The following CELF4 variants were observed in gnomAD, a reference collection of about 807,000 sequenced individuals.
CELF4 encodes the protein CUG-BP- and ETR-3-like factor 4.
A neutral mutation model predicts 59.9 loss-of-function variants in CELF4; 18 were observed. That is an observed-to-expected ratio of 0.30 (90% CI 0.21 to 0.45). CELF4 has a LOEUF of 0.45. CELF4 is among the 20% of genes least tolerant of loss of function. CELF4 has a pLI of 1.00. For missense variants in CELF4, 456 were observed against 689.0 expected (o/e 0.66, Z 3.79); for synonymous variants, 261 against 267.1 (o/e 0.98, Z 0.22).
chr18:37,273,661 C>A, intron 6 of CELF4: 1 of 987,736 alleles, frequency 1.0e-6, no homozygotes, highest in South Asian at 4.7e-5. Flanking sequence ...GGGGAGGCTG[C>A]GGAATGTGGC....
chr18:37,359,919 G>A (rs542906214), intron 2 of CELF4, among the ~76,000 whole-genome samples: 5 of 150,538 alleles, frequency 3.3e-5, no homozygotes, highest in South Asian at 4.2e-4. Flanking sequence ...GAGCAATCTC[G>A]GCTCACTGCA....
intron 2 of CELF4, among the ~76,000 whole-genome samples, chr18:37,450,243 T>G (rs79953038): frequency 6.6e-6 from 1 of 152,090 alleles, no homozygotes; most frequent in Admixed American, 6.5e-5. Context: ...TATGTGTGTA[T>G]GCGTGTGAGT....
Position 37,418,065 on chromosome 18 carries a change from CT to C in CELF4, c.369+67459del, listed in dbSNP as rs563940909. ...AGTGAGGGGCATCATGAAAATCCACCTATCTTTCAAGGCAAAAGTGATCTGA... is the reference window on the plus strand; with the variant it reads ...AGTGAGGGGCATCATGAAAATCCACCATCTTTCAAGGCAAAAGTGATCTGA... On this transcript the variant is annotated intron_variant, in intron 2 of 12. Coordinates refer to ENST00000420428, the MANE Select transcript of CELF4 (RefSeq NM_020180.4). 1.3e-3 allele frequency among the ~76,000 whole-genome samples: 199 copies of C among 152,274 alleles called. 1 individual carries two copies. Among genetic ancestry groups the C allele is most frequent in the Non-Finnish European group, 2.4e-3 (166 of 68,038 alleles).
chr18:37,481,617 C>A (rs1398473971), intron 2 of CELF4, among the ~76,000 whole-genome samples: 4 of 152,220 alleles, frequency 2.6e-5, no homozygotes, highest in Non-Finnish European at 5.9e-5. Flanking sequence ...TCAGAGTGGG[C>A]CTCTCCTGCC....
intron 2 of CELF4, among the ~76,000 whole-genome samples, chr18:37,365,046 G>A (rs1034278750): frequency 2.0e-5 from 3 of 152,202 alleles, no homozygotes; most frequent in Non-Finnish European, 4.4e-5. Flanking sequence ...AATGATGGGA[G>A]AGGTTGCTGG....
At chr18:37,423,447 T>A (rs1270022055) in intron 2 of CELF4, among the ~76,000 whole-genome samples, 3 of 151,658 alleles carry the variant, frequency 2.0e-5, no homozygotes, top group African/African-American at 7.3e-5. Flanking sequence ...AAGGTGGGCT[T>A]AGGAGGAGCT....
At chr18:37,428,244 G>C (rs1024769502) in intron 2 of CELF4, among the ~76,000 whole-genome samples, 3 of 152,216 alleles carry the variant, frequency 2.0e-5, no homozygotes, top group African/African-American at 7.2e-5. Context: ...TCAGGGTGAT[G>C]AGAGGAAAGT....
At chr18:37,385,448 CA>C (rs955876555) in intron 2 of CELF4, among the ~76,000 whole-genome samples, 1 of 151,912 alleles carries the variant, frequency 6.6e-6, no homozygotes, top group Non-Finnish European at 1.5e-5. Flanking sequence ...ATAGGCATGT[CA>C]AGGGAAGTAG....
chr18:37,489,200 A>G (rs2154603376), intron 1 of CELF4, among the ~76,000 whole-genome samples: 1 of 152,392 alleles, frequency 6.6e-6, no homozygotes, highest in Admixed American at 6.5e-5. Flanking sequence ...ACACGCCAGC[A>G]TGGCAGATTA....
intron 8 of CELF4, among the ~76,000 whole-genome samples, chr18:37,268,656 A>G (rs554630532): frequency 8.5e-5 from 13 of 152,178 alleles, no homozygotes; most frequent in Non-Finnish European, 1.9e-4. Context: ...TAAAGGCCAC[A>G]CTGTGTGTAT....
At chr18:37,317,319 G>A (rs745593328) in intron 3 of CELF4, among the ~76,000 whole-genome samples, 29 of 152,228 alleles carry the variant, frequency 1.9e-4, no homozygotes, top group African/African-American at 2.9e-4. Context: ...CCCGGGAGGC[G>A]GAGGTTGCAG....
At position 37,565,589 on chromosome 18, in the gene CELF4, A is replaced by G; in HGVS notation, c.53T>C (p.Leu18Pro). 1 of 1,611,454 alleles carries G rather than the reference A, an allele frequency of 6.2e-7. No individual in the cohort carries two copies. ...LANGQADNAS[L>P]STNGLGSSPG... is the part of the protein sequence containing the mutation. Reference sequence around the variant, plus strand: ...GCTGCTGCCGAGCCCGTTGGTACTGAGGCTTGCGTTGTCAGCCTGTCCGTT... The same window carrying G: ...GCTGCTGCCGAGCCCGTTGGTACTGGGGCTTGCGTTGTCAGCCTGTCCGTT... The change falls in exon 1 of 13, where the codon CTC (leucine) becomes CCC (proline). Residue 18 changes from leucine to proline, a missense_variant. By Grantham distance (98) the Leu-to-Pro change is moderately conservative. This residue lies in a region of CELF4 where 70 missense variants were observed against 69.5 expected (regional missense o/e 1.01). Coordinates refer to ENST00000420428, the MANE Select transcript of CELF4 (RefSeq NM_020180.4).
intron 2 of CELF4, among the ~76,000 whole-genome samples, chr18:37,334,716 G>A (rs1603583568): frequency 6.6e-6 from 1 of 151,824 alleles, no homozygotes; most frequent in Non-Finnish European, 1.5e-5. Flanking sequence ...CCCTCACCCT[G>A]CCCTGACCCG....
chr18:37,481,048 C>T (rs537305484), intron 2 of CELF4, among the ~76,000 whole-genome samples: 3 of 152,238 alleles, frequency 2.0e-5, no homozygotes, highest in South Asian at 4.1e-4. Context: ...ATGGAAGTGA[C>T]CCATCCTGAG....
intron 2 of CELF4, among the ~76,000 whole-genome samples, chr18:37,470,877 T>TGACAGAGAGAGA (rs1569569550): frequency 1.0e-5 from 1 of 96,996 alleles, no homozygotes; most frequent in Non-Finnish European, 2.1e-5. Flanking sequence ...TGTGTGTGTG[T>TGACAGAGAGAGA]GTGTGTGTGT....
chr18:37,441,060 G>A (rs765745950), intron 2 of CELF4, among the ~76,000 whole-genome samples: 3 of 152,176 alleles, frequency 2.0e-5, no homozygotes, highest in African/African-American at 7.2e-5. Context: ...TACCTAGACC[G>A]TTCTTGCCTT....
intron 2 of CELF4, among the ~76,000 whole-genome samples, chr18:37,327,056 G>A (rs970710917): frequency 1.3e-5 from 2 of 152,136 alleles, no homozygotes; most frequent in East Asian, 1.9e-4. Flanking sequence ...TGAGCTGGTC[G>A]AAAGGCTTCA....
chr18:37,319,598 G>A (rs567856031), intron 3 of CELF4, among the ~76,000 whole-genome samples: 13 of 152,338 alleles, frequency 8.5e-5, no homozygotes, highest in African/African-American at 3.1e-4. Context: ...TTCTGAGCAG[G>A]CACAGGCCCC....
At chr18:37,292,054 T>C (rs1418667702) in intron 3 of CELF4, among the ~76,000 whole-genome samples, 2 of 151,446 alleles carry the variant, frequency 1.3e-5, no homozygotes, top group Non-Finnish European at 2.9e-5. Context: ...AAAAGAGGCC[T>C]GAGGGAGTTT....
Sources: gnomAD v4.1 joint callset for allele counts (sites outside exome capture counted in the v4.1 genomes callset) on GRCh38, gnomAD v4.1.1 for gene constraint, gnomAD v4.1.1 regional missense constraint, MANE v1.5 for transcripts, NCBI Gene and HGNC (gene_info 2026-07-23, HGNC 2026-07-21) for gene names.